Variants in ADGRL3 observed in about 807,000 individuals in gnomAD.
ADGRL3 encodes the protein calcium-independent alpha-latrotoxin receptor 3.
Under a neutral mutation model 153.5 loss-of-function variants are expected in ADGRL3, and 62 were observed. That is an observed-to-expected ratio of 0.40 (90% CI 0.33 to 0.50). ADGRL3 has a LOEUF of 0.50. ADGRL3 is among the 20% of genes least tolerant of loss of function. The pLI is 0.47. For missense variants in ADGRL3, 1,641 were observed against 1,859.4 expected, an observed-to-expected ratio of 0.88 and a Z score of 2.16; for synonymous variants, 710 against 672.5, an observed-to-expected ratio of 1.06 and a Z score of -0.86.
At chr4:61,218,600 G>C (rs2148975538) in intron 1 of ADGRL3, among the ~76,000 whole-genome samples, 1 of 152,190 alleles carries the variant, frequency 6.6e-6, no homozygotes, top group East Asian at 1.9e-4. Context: ...AAGTGCTGGT[G>C]GCATAAGCCA....
intron 2 of ADGRL3, among the ~76,000 whole-genome samples, chr4:61,448,804 AAGGGAG>A (rs2097628660): frequency 1.3e-5 from 1 of 75,510 alleles, no homozygotes. Flanking sequence ...AGGAGGGAGG[AAGGGAG>A]GGAAGGAAGG....
chr4:61,642,502 A>G (rs2093729530), intron 5 of ADGRL3, among the ~76,000 whole-genome samples: 1 of 152,136 alleles, frequency 6.6e-6, no homozygotes, highest in African/African-American at 2.4e-5. Context: ...AGCTTTCTAC[A>G]TGTGGCTAGC....
At chr4:61,569,215 AT>A (rs2149101361) in intron 4 of ADGRL3, among the ~76,000 whole-genome samples, 1 of 152,278 alleles carries the variant, frequency 6.6e-6, no homozygotes, top group Non-Finnish European at 1.5e-5. Context: ...CTTTTTCATA[AT>A]ACATGTTATG....
At chr4:61,378,786 A>C (rs1458767977) in intron 1 of ADGRL3, among the ~76,000 whole-genome samples, 4 of 152,016 alleles carry the variant, frequency 2.6e-5, no homozygotes, top group Non-Finnish European at 5.9e-5. Flanking sequence ...TCATCATGAG[A>C]AAAATGAAGT....
At chr4:61,557,417 C>T (rs2098772218) in intron 4 of ADGRL3, among the ~76,000 whole-genome samples, 1 of 152,118 alleles carries the variant, frequency 6.6e-6, no homozygotes. Flanking sequence ...TCACAGACCT[C>T]AGGCACCAGG....
At position 61,338,277 on chromosome 4, in the gene ADGRL3, A is replaced by G. The variant is rs60218888; in HGVS notation, c.-239-44847A>G. Among the ~76,000 whole-genome samples, 731 of 139,958 alleles carry G rather than the reference A, an allele frequency of 5.2e-3. 10 individuals carry two copies. Among genetic ancestry groups the G allele is most frequent in the African/African-American group, 0.019 (704 of 37,628 alleles). 91.8% of individuals were successfully genotyped at this position (139,958 alleles called of 152,430 possible). The stretch of plus-strand genomic sequence containing the variant: ...GATAAGTGAGACTCTGTCTCAATTT[A>G]AAAAAAAAAAAAAGACTTCCATGAC... On this transcript the variant is annotated intron_variant, in intron 1 of 26. Coordinates refer to ENST00000683033, the MANE Select transcript of ADGRL3 (RefSeq NM_001387552.1).
At chr4:61,748,351 A>G (rs1031809289) in intron 8 of ADGRL3, among the ~76,000 whole-genome samples, 12 of 152,132 alleles carry the variant, frequency 7.9e-5, no homozygotes, top group Non-Finnish European at 1.6e-4. Context: ...AGAACTGGAA[A>G]AAAACTACTT....
intron 2 of ADGRL3, among the ~76,000 whole-genome samples, chr4:61,451,459 T>C (rs1386042648): frequency 2.0e-5 from 3 of 152,190 alleles, no homozygotes; most frequent in Admixed American, 6.5e-5. Context: ...TGCTAATAGA[T>C]TGAACAATGT....
intron 2 of ADGRL3, among the ~76,000 whole-genome samples, chr4:61,459,307 G>A (rs1447855197): frequency 6.6e-6 from 1 of 151,602 alleles, no homozygotes; most frequent in Non-Finnish European, 1.5e-5. Flanking sequence ...TGGCTATAGG[G>A]ACAAACAATA....
intron 17 of ADGRL3, among the ~76,000 whole-genome samples, chr4:61,955,501 T>C (rs1377357179): frequency 6.6e-6 from 1 of 152,170 alleles, no homozygotes; most frequent in Non-Finnish European, 1.5e-5. Flanking sequence ...AAAAACTAAT[T>C]TGAACTAATT....
At chr4:61,376,046 GCTT>G (rs2096598789) in intron 1 of ADGRL3, among the ~76,000 whole-genome samples, 1 of 152,074 alleles carries the variant, frequency 6.6e-6, no homozygotes. Flanking sequence ...TCTTCCTAAA[GCTT>G]CTTAAGTACT....
At chr4:61,828,523 G>A (rs2097836702) in intron 9 of ADGRL3, among the ~76,000 whole-genome samples, 3 of 152,244 alleles carry the variant, frequency 2.0e-5, no homozygotes, top group African/African-American at 7.2e-5. Flanking sequence ...CAGAAAATGA[G>A]CTTTTAAAAG....
At chr4:62,004,331 G>A (rs979413924) in intron 21 of ADGRL3, among the ~76,000 whole-genome samples, 1 of 151,836 alleles carries the variant, frequency 6.6e-6, no homozygotes, top group African/African-American at 2.4e-5. Flanking sequence ...TAACTTAAAA[G>A]TTTAAGCCTT....
chr4:61,468,685 G>C lies in ADGRL3; in HGVS notation c.-173-28436G>C, dbSNP rs182803064. 1.5e-3 allele frequency among the ~76,000 whole-genome samples: 232 copies of C among 152,194 alleles called. 1 individual carries two copies. The highest frequency in any genetic ancestry group is 5.3e-3 in the African/African-American group (220 of 41,554). On this transcript the variant is annotated intron_variant, in intron 2 of 26. Transcript: ENST00000683033. ...AGGACTAAGATAATTATTAACAATT[G>C]TGAGACACCATGGTTTCTTGTTTAA... is the stretch of plus-strand genomic sequence containing the variant.
intron 8 of ADGRL3, among the ~76,000 whole-genome samples, chr4:61,752,941 T>C (rs1246014683): frequency 1.3e-5 from 2 of 152,002 alleles, no homozygotes; most frequent in East Asian, 1.9e-4. Context: ...ATCAAAAATA[T>C]ATATGTATTC....
At chr4:61,337,923 A>G (rs1378321374) in intron 1 of ADGRL3, among the ~76,000 whole-genome samples, 1 of 152,142 alleles carries the variant, frequency 6.6e-6, no homozygotes, top group Non-Finnish European at 1.5e-5. Context: ...GTTATATCAT[A>G]ATCTCTAACA....
intron 8 of ADGRL3, among the ~76,000 whole-genome samples, chr4:61,748,191 G>A (rs1358798667): frequency 3.9e-5 from 6 of 152,016 alleles, no homozygotes; most frequent in Non-Finnish European, 8.8e-5. Context: ...ACAAACCACT[G>A]CTCAATGAAA....
chr4:61,956,335 G>A (rs527481574), intron 17 of ADGRL3, among the ~76,000 whole-genome samples: 172 of 146,720 alleles, frequency 1.2e-3, no homozygotes, highest in Non-Finnish European at 2.1e-3. Context: ...CGTAAATGTC[G>A]TCTTTGGAGA....
intron 2 of ADGRL3, among the ~76,000 whole-genome samples, chr4:61,432,147 G>A (rs1015732193): frequency 8.5e-5 from 13 of 152,094 alleles, no homozygotes; most frequent in Admixed American, 3.3e-4. Context: ...TTGAAATTAC[G>A]CTGCCAGTTT....
Sources: gnomAD v4.1 joint callset for allele counts (sites outside exome capture counted in the v4.1 genomes callset) on GRCh38, gnomAD v4.1.1 for gene constraint, MANE v1.5 for transcripts, NCBI Gene and HGNC (gene_info 2026-07-23, HGNC 2026-07-21) for gene names.